The following LETM2 variants were observed in gnomAD, a reference collection of about 807,000 sequenced individuals.
LETM2 encodes LETM1 domain-containing protein LETM2, mitochondrial.
In LETM2, 58 loss-of-function variants were observed where a neutral mutation model predicts 59.6. The ratio of observed to expected loss-of-function variants is 0.97; its 90% CI spans 0.79 to 1.21. The LOEUF is 1.21. Among genes scored for constraint, LETM2 ranks in the 50% most tolerant of loss-of-function variants. The pLI, the probability that LETM2 is intolerant of heterozygous loss-of-function variation, is 0.00. For synonymous variants in LETM2, 199 were observed against 214.1 expected (o/e 0.93, Z 0.62); for missense variants, 572 against 575.7 (o/e 0.99, Z 0.07).
chr8:38,408,281 A>C lies in LETM2; in HGVS notation c.*7A>C. 1 of 1,566,156 alleles carries C rather than the reference A, an allele frequency of 6.4e-7. No individual in the cohort carries two copies. The highest frequency in any genetic ancestry group is 8.8e-7 in the Non-Finnish European group (1 of 1,138,194). ...TAGTTCAAAAGGAGCATAAAGGACT[A>C]CTTGAGGATGGAGCTCACTCTCTTC... is the stretch of plus-strand genomic sequence containing the variant. On this transcript the variant is annotated 3_prime_UTR_variant, in exon 11 of 11. Coordinates refer to ENST00000379957, the MANE Select transcript of LETM2 (RefSeq NM_001286819.2).
rs558608292 is a variant in LETM2, at chr8:38,387,490, A to G, written c.-34-460A>G. ...CATGTCTACCTTCATCCACTGCTAC[A>G]TAAATTAGATTAGTGGGTACGTCCA... is the stretch of plus-strand genomic sequence containing the variant. On this transcript the variant is annotated intron_variant, in intron 1 of 10. Transcript: ENST00000379957. 4.6e-5 allele frequency among the ~76,000 whole-genome samples: 7 copies of G among 152,330 alleles called. No individual in the cohort carries two copies. The South Asian group carries it at 1.4e-3, about 32-fold the overall frequency.
At chr8:38,387,224 C>G (rs1811844395) in intron 1 of LETM2, 1 of 152,274 alleles carries the variant, frequency 6.6e-6, no homozygotes, top group Admixed American at 6.5e-5. Context: ...AATGTCAGCT[C>G]TGTGGCTAAG....
intron 4 of LETM2, among the ~76,000 whole-genome samples, chr8:38,397,666 G>A (rs1812798246): frequency 6.6e-6 from 1 of 152,160 alleles, no homozygotes; most frequent in Non-Finnish European, 1.5e-5. Flanking sequence ...GGTGAATAAT[G>A]GAAAGGGAAC....
intron 4 of LETM2, among the ~76,000 whole-genome samples, chr8:38,398,363 C>T (rs751048158): frequency 4.3e-4 from 65 of 152,162 alleles, no homozygotes; most frequent in Non-Finnish European, 6.6e-4. Flanking sequence ...TTCCTGAACA[C>T]CACTCATTCC....
intron 1 of LETM2, 73 bp from the exon 2 acceptor site, chr8:38,387,877 C>T: frequency 1.5e-6 from 1 of 672,598 alleles, no homozygotes; most frequent in Non-Finnish European, 2.6e-6. Flanking sequence ...TAGTTAAAAA[C>T]ACTAAAATCC....
At chr8:38,403,327 C>A (rs529772618) in intron 7 of LETM2, among the ~76,000 whole-genome samples, 4 of 152,340 alleles carry the variant, frequency 2.6e-5, no homozygotes, top group Admixed American at 2.6e-4. Context: ...GTGGGTATTG[C>A]AGGGACAAGG....
At chr8:38,397,555 G>A (rs1268269633) in intron 4 of LETM2, among the ~76,000 whole-genome samples, 1 of 152,290 alleles carries the variant, frequency 6.6e-6, no homozygotes, top group African/African-American at 2.4e-5. Context: ...GAAGTAGGCA[G>A]TTCCAGGGCA....
intron 4 of LETM2, among the ~76,000 whole-genome samples, chr8:38,399,712 A>G (rs1403963669): frequency 6.8e-6 from 1 of 147,954 alleles, no homozygotes; most frequent in Non-Finnish European, 1.5e-5. Flanking sequence ...CGGGAGAGAG[A>G]GGTTGCAGTG....
At chr8:38,382,671 C>G (rs1187309978), upstream of LETM2, 2 of 152,270 alleles carry the variant, frequency 1.3e-5, no homozygotes, top group Admixed American at 1.3e-4. This position sits in a 1 kb window ranked among gnomAD's most constrained non-coding sequence, Gnocchi z 4.2. Context: ...ACTCGGCTCT[C>G]TAGCTCTTAA....
intron 8 of LETM2, among the ~76,000 whole-genome samples, chr8:38,405,290 C>CA (rs1167996367): frequency 2.6e-5 from 4 of 151,980 alleles, no homozygotes; most frequent in Non-Finnish European, 5.9e-5. Flanking sequence ...TAGGGAAGAG[C>CA]ATAAGATTGG....
chr8:38,407,946 G>T lies in LETM2; in HGVS notation c.1414-266G>T, dbSNP rs137933345. Reference sequence around the variant, plus strand: ...GGAGGTTGTGGGAGAGTTGAAGTGGGAAGTGGCTCCTGTGGACCAAAGACA... The same window carrying T: ...GGAGGTTGTGGGAGAGTTGAAGTGGTAAGTGGCTCCTGTGGACCAAAGACA... On this transcript the variant is annotated intron_variant, in intron 10 of 10. Coordinates refer to ENST00000379957, the MANE Select transcript of LETM2 (RefSeq NM_001286819.2). 5 of 440,408 alleles carry T rather than the reference G, an allele frequency of 1.1e-5. No homozygotes were observed. The East Asian group carries it at 2.3e-4, about 20-fold the overall frequency. 27.3% of individuals were successfully genotyped at this position (440,408 alleles called of 1,614,324 possible). A position where few individuals can be genotyped will look rare whatever the true frequency, so the allele number is the denominator to read the frequency against.
intron 4 of LETM2, among the ~76,000 whole-genome samples, chr8:38,397,327 C>T (rs965494248): frequency 1.2e-4 from 18 of 152,152 alleles, no homozygotes; most frequent in Non-Finnish European, 1.3e-4. Flanking sequence ...CAGGCGCCTG[C>T]CACCACACCC....
At chr8:38,406,703 T>A (rs1349675404) in intron 8 of LETM2, 4 of 397,432 alleles carry the variant, frequency 1.0e-5, no homozygotes, top group Non-Finnish European at 1.8e-5. Flanking sequence ...TTATTTTAAA[T>A]GCTAGAATCT....
rs1014280500 is a variant in LETM2 at position 38,408,534 on chromosome 8, AC to A, written c.*266del. 64 of 348,954 alleles carry A rather than the reference AC, an allele frequency of 1.8e-4. No homozygotes were observed. The highest frequency in any genetic ancestry group is 1.2e-3 in the African/African-American group (57 of 47,356). 21.6% of individuals were successfully genotyped at this position (348,954 alleles called of 1,614,324 possible). ...CCCCACTCAACTTTGTATAAAGCCC[AC>A]CCCCCATCATGTTGTTTTTTTAGTT... is the stretch of plus-strand genomic sequence containing the variant. On this transcript the variant is annotated 3_prime_UTR_variant, in exon 11 of 11. Coordinates refer to ENST00000379957, the MANE Select transcript of LETM2 (RefSeq NM_001286819.2).
Position 38,408,243 on chromosome 8 carries a change from AG to A in LETM2, c.1446del (p.Asn483ThrfsTer36). The A allele has an allele frequency of 2.5e-6, 4 of 1,613,248 alleles. No individual in the cohort carries two copies. The highest frequency in any genetic ancestry group is 8.5e-7 in the Non-Finnish European group (1 of 1,179,696). Reference protein sequence around the residue: ...TLQAKSQMTAQNSKASSKGA With the variant: ...TLQAKSQMTAXNSKASSKGA ...CAGGCCAAATCACAAATGACGGCCC[AG>A]AACAGCAAGGCTAGTTCAAAAGGAG... is the stretch of plus-strand genomic sequence containing the variant. On this transcript the variant is annotated frameshift_variant, in exon 11 of 11. Coordinates refer to ENST00000379957, the MANE Select transcript of LETM2 (RefSeq NM_001286819.2). LOFTEE classifies it high-confidence loss of function.
Position 38,407,360 on chromosome 8 carries a change from A to G in LETM2, c.1312-2A>G. On this transcript the variant is annotated splice_acceptor_variant, in intron 9 of 10. Transcript: ENST00000379957. LOFTEE classifies it high-confidence loss of function. ...ACCCAACTCTCAGTTCTGATGTTTA[A>G]GGATGAAGACTTTATACAGCCGCCA... 6.2e-7 allele frequency: 1 copy of G among 1,601,004 alleles called. No individual in the cohort carries two copies. The highest frequency in any genetic ancestry group is 8.6e-7 in the Non-Finnish European group (1 of 1,168,370).
Position 38,392,964 on chromosome 8 carries a change from G to T in LETM2, c.470G>T (p.Gly157Val). The change falls in exon 3 of 11, where the codon GGA becomes GTA. Residue 157 changes from glycine (G) to valine (V), a missense_variant. Transcript: ENST00000379957. ...AARMVWRLLH[G>V]QVLTRRERRR... ...AGAATGGTTTGGAGGCTGTTGCATG[G>T]ACAGGTCCTGACCAGACGAGAGAGA... The T allele has an allele frequency of 6.2e-7, 1 of 1,609,362 alleles. No individual in the cohort carries two copies. The highest frequency in any genetic ancestry group is 1.1e-5 in the South Asian group (1 of 91,076).
chr8:38,397,995 C>T (rs1429306990), intron 4 of LETM2, among the ~76,000 whole-genome samples: 1 of 151,994 alleles, frequency 6.6e-6, no homozygotes, highest in Non-Finnish European at 1.5e-5. Flanking sequence ...CAAAAATTAG[C>T]CTGGCATGGT....
At position 38,400,922 on chromosome 8, in the gene LETM2, G is replaced by T; in HGVS notation, c.853G>T (p.Ala285Ser). 1 of 1,614,192 alleles carries T rather than the reference G, an allele frequency of 6.2e-7. No homozygotes were observed. The highest frequency in any genetic ancestry group is 8.5e-7 in the Non-Finnish European group (1 of 1,180,014). ...RFSKLFEDQL[A>S]LEHLDRPQLV... ...CTCCAAACTATTTGAGGACCAGCTG[G>T]CCCTGGAACACTTAGATCGCCCTCA... Residue 285 changes from alanine (A) to serine (S), a missense_variant, in exon 6 of 11, where the codon GCC (alanine) becomes TCC (serine). By Grantham distance (99) the Ala-to-Ser change is moderately conservative. Coordinates refer to ENST00000379957, the MANE Select transcript of LETM2 (RefSeq NM_001286819.2).
Sources: allele counts gnomAD v4.1 joint callset (sites outside exome capture counted in the v4.1 genomes callset), GRCh38; gene constraint gnomAD v4.1.1; non-coding constraint Gnocchi (gnomAD v3.1); transcripts MANE v1.5; gene names NCBI Gene and HGNC (gene_info 2026-07-23, HGNC 2026-07-21).